PLXNA4: variants seen among roughly 807,000 people sequenced by gnomAD.
PLXNA4 encodes plexin-A4.
Under a neutral mutation model 191.8 loss-of-function variants are expected in PLXNA4, and 44 were observed. The ratio of observed to expected loss-of-function variants is 0.23; its 90% CI spans 0.18 to 0.29. The LOEUF (loss-of-function observed/expected upper bound fraction) is 0.29. Ranked by LOEUF, PLXNA4 falls within the 10% of genes least tolerant of loss-of-function variation. PLXNA4 has a pLI of 1.00. For synonymous variants in PLXNA4, 1,082 were observed against 1,009.5 expected (o/e 1.07, Z -1.36); for missense variants, 1,800 against 2,488.8 (o/e 0.72, Z 5.89).
At chr7:132,306,295 T>C (rs1324799229) in intron 3 of PLXNA4, among the ~76,000 whole-genome samples, 1 of 152,060 alleles carries the variant, frequency 6.6e-6, no homozygotes, top group Non-Finnish European at 1.5e-5. Context: ...CAGGGATAGG[T>C]GAGGAGCCGA....
chr7:132,481,916 G>C (rs1341577711), intron 3 of PLXNA4, among the ~76,000 whole-genome samples: 4 of 152,186 alleles, frequency 2.6e-5, no homozygotes, highest in Non-Finnish European at 5.9e-5. Flanking sequence ...ACAGCCTCCT[G>C]TTTATCCTCT....
intron 2 of PLXNA4, among the ~76,000 whole-genome samples, chr7:132,507,125 A>G (rs1798496490): frequency 6.6e-6 from 1 of 152,156 alleles, no homozygotes; most frequent in African/African-American, 2.4e-5. Context: ...CTTGGTGAGT[A>G]CAAAGGGCAT....
In PLXNA4 at chr7:132,276,295, C is replaced by G. The variant is rs563804464; in HGVS notation, c.1503+21796G>C. 3.3e-5 allele frequency among the ~76,000 whole-genome samples: 5 copies of G among 152,302 alleles called. No individual in the cohort carries two copies. In the South Asian group the frequency reaches 6.2e-4, roughly 19 times the overall value. ...TCTACCACCTTCCTTCTCATTCTCTCTCCTCTTTTCTTCTCTTTCAGCTCT... is the reference window on the plus strand; with the variant it reads ...TCTACCACCTTCCTTCTCATTCTCTGTCCTCTTTTCTTCTCTTTCAGCTCT... On this transcript the variant is annotated intron_variant, in intron 4 of 31. Transcript: ENST00000321063.
chr7:132,444,934 C>T (rs991841204), intron 3 of PLXNA4, among the ~76,000 whole-genome samples: 1 of 151,576 alleles, frequency 6.6e-6, no homozygotes. Context: ...GAGGCCGAGG[C>T]GGGCGGATCA....
chr7:132,431,121 G>T (rs1795244447), intron 3 of PLXNA4, among the ~76,000 whole-genome samples: 1 of 152,164 alleles, frequency 6.6e-6, no homozygotes, highest in South Asian at 2.1e-4. Flanking sequence ...ATCTCACAGG[G>T]TCCATGTGAA....
intron 1 of PLXNA4, among the ~76,000 whole-genome samples, chr7:132,564,660 G>T (rs1418577231): frequency 6.6e-6 from 1 of 152,136 alleles, no homozygotes; most frequent in African/African-American, 2.4e-5. Context: ...AATAAATATT[G>T]CTTGAATTGA....
chr7:132,561,294 C>T (rs1314225945), intron 1 of PLXNA4, among the ~76,000 whole-genome samples: 1 of 150,702 alleles, frequency 6.6e-6, no homozygotes, highest in East Asian at 2.0e-4. Context: ...CCTCCTCCTC[C>T]TTCTCCTCCT....
At position 132,394,001 on chromosome 7, in the gene PLXNA4, T is replaced by C. The variant is rs1183755921; in HGVS notation, c.1371+95291A>G. 4.0e-5 allele frequency among the ~76,000 whole-genome samples: 6 copies of C among 151,084 alleles called. No homozygotes were observed. In the East Asian group the frequency reaches 7.8e-4, roughly 20 times the overall value. On this transcript the variant is annotated intron_variant, in intron 3 of 31. Coordinates refer to ENST00000321063, the MANE Select transcript of PLXNA4 (RefSeq NM_020911.2). The stretch of plus-strand genomic sequence containing the variant: ...CCCACCCTCTTTTTTTTTTTTTTTT[T>C]CGTATTAACTGGCATCTCTGCCTGA...
At chr7:132,621,249 T>TG (rs1262260457) in intron 2 of PLXNA4, among the ~76,000 whole-genome samples, 1 of 134,962 alleles carries the variant, frequency 7.4e-6, no homozygotes, top group African/African-American at 2.7e-5. Context: ...TTTTTTTGTT[T>TG]TTTTTTTTTG....
At chr7:132,523,412 C>A (rs1047131535) in intron 1 of PLXNA4, among the ~76,000 whole-genome samples, 1 of 152,108 alleles carries the variant, frequency 6.6e-6, no homozygotes, top group Non-Finnish European at 1.5e-5. Flanking sequence ...GGGAGAGGAG[C>A]TTTCTAGGCC....
chr7:132,388,575 C>T (rs768158945), intron 3 of PLXNA4, among the ~76,000 whole-genome samples: 1 of 152,122 alleles, frequency 6.6e-6, no homozygotes, highest in Non-Finnish European at 1.5e-5. Context: ...TTTTCTGTGT[C>T]CTGACCATGT....
At chr7:132,361,409 G>C (rs1479184069) in intron 3 of PLXNA4, among the ~76,000 whole-genome samples, 7 of 152,092 alleles carry the variant, frequency 4.6e-5, no homozygotes, top group Admixed American at 3.3e-4. Context: ...TTTATTTATT[G>C]TGCCCAGAGT....
chr7:132,414,270 C>T (rs186910327), intron 3 of PLXNA4, among the ~76,000 whole-genome samples: 1 of 152,320 alleles, frequency 6.6e-6, no homozygotes, highest in East Asian at 1.9e-4. Context: ...CCAGCTGTGC[C>T]TTCCAGGTCC....
At chr7:132,481,927 G>A (rs1797354113) in intron 3 of PLXNA4, among the ~76,000 whole-genome samples, 1 of 152,162 alleles carries the variant, frequency 6.6e-6, no homozygotes, top group Non-Finnish European at 1.5e-5. Context: ...TTTATCCTCT[G>A]GATTCTCTAC....
chr7:132,273,478 C>A (rs1289243273), intron 4 of PLXNA4, among the ~76,000 whole-genome samples: 1 of 152,178 alleles, frequency 6.6e-6, no homozygotes, highest in Non-Finnish European at 1.5e-5. Context: ...CTCAACTTTT[C>A]TTCTGACCTT....
At chr7:132,221,215 A>G (rs543599884) in intron 9 of PLXNA4, among the ~76,000 whole-genome samples, 28 of 152,266 alleles carry the variant, frequency 1.8e-4, no homozygotes, top group Admixed American at 1.3e-4. Flanking sequence ...AAAAGAAAGA[A>G]ATTTGGTACA....
intron 4 of PLXNA4, 87 bp from the exon 5 acceptor site, chr7:132,241,253 G>A (rs1307683271): frequency 7.0e-6 from 6 of 862,658 alleles, no homozygotes; most frequent in South Asian, 2.2e-5. Context: ...TAAATATCAA[G>A]TGTATCACCT....
chr7:132,177,092 T>C (rs940727594), intron 20 of PLXNA4, among the ~76,000 whole-genome samples: 1 of 152,030 alleles, frequency 6.6e-6, no homozygotes, highest in East Asian at 1.9e-4. Flanking sequence ...CATGAGTGTA[T>C]GTCAGTGAGT....
chr7:132,222,477 C>T (rs74739299), intron 9 of PLXNA4, among the ~76,000 whole-genome samples: 3,958 of 152,124 alleles, frequency 0.026, 253 homozygotes, highest in Admixed American at 0.13. Flanking sequence ...CTGCCCCCCT[C>T]CCCCCACCAA....
Sources: gnomAD v4.1 joint callset for allele counts (sites outside exome capture counted in the v4.1 genomes callset) on GRCh38, gnomAD v4.1.1 for gene constraint, MANE v1.5 for transcripts, NCBI Gene and HGNC (gene_info 2026-07-23, HGNC 2026-07-21) for gene names.